FAM219A: variants seen among roughly 807,000 people sequenced by gnomAD.
FAM219A encodes family with sequence similarity 219 member A.
FAM219A carries 7 observed loss-of-function variants against 23.4 expected under a neutral mutation model. That is an observed-to-expected ratio of 0.30 (90% confidence interval 0.17 to 0.56). FAM219A has a LOEUF of 0.56. Ranked by LOEUF, FAM219A falls within the 20% of genes least tolerant of loss-of-function variation. The pLI, the probability that FAM219A is intolerant of heterozygous loss-of-function variation, is 0.92. For synonymous variants in FAM219A, 93 were observed against 99.0 expected, an observed-to-expected ratio of 0.94 and a Z score of 0.36; for missense variants, 166 against 246.9, an observed-to-expected ratio of 0.67 and a Z score of 2.20.
At chr9:34,402,959 G>C (rs529750245) in intron 2 of FAM219A, 152 bp from the exon 3 acceptor site, 1 of 649,764 alleles carries the variant, frequency 1.5e-6, no homozygotes, top group African/African-American at 1.8e-5. Context: ...CTGCTGCTTG[G>C]TGGAGATAGT....
rs1024217027 is a variant in FAM219A at position 34,457,749 on chromosome 9, G to A, written c.60+455C>T. ...GTATATCCAGCGGACAGGCGGGCAA[G>A]CCCCTCCTCTTCTAAAAGCTGATTC... On this transcript the variant is annotated intron_variant, in intron 1 of 5. Transcript: ENST00000651358. This position sits in a 1 kb window ranked among gnomAD's most constrained non-coding sequence, Gnocchi z 5.1. Among the ~76,000 whole-genome samples, 1 of 152,192 alleles carries A rather than the reference G, an allele frequency of 6.6e-6. No homozygotes were observed. Among genetic ancestry groups the A allele is most frequent in the Admixed American group, 6.5e-5 (1 of 15,282 alleles).
At chr9:34,429,911 G>A (rs1822626980) in intron 1 of FAM219A, among the ~76,000 whole-genome samples, 1 of 152,158 alleles carries the variant, frequency 6.6e-6, no homozygotes. Context: ...GGGAAGTACA[G>A]GGGTATTAGA....
chr9:34,413,179 G>C (rs1821885585), intron 1 of FAM219A, among the ~76,000 whole-genome samples: 1 of 150,264 alleles, frequency 6.7e-6, no homozygotes, highest in Non-Finnish European at 1.5e-5. Context: ...GAGGTGAGGA[G>C]AGGAAAGGAG....
chr9:34,426,879 T>G (rs1266391932), intron 1 of FAM219A, among the ~76,000 whole-genome samples: 1 of 151,980 alleles, frequency 6.6e-6, no homozygotes, highest in Non-Finnish European at 1.5e-5. Flanking sequence ...GAAGCACCTC[T>G]CCCTGAGCAT....
chr9:34,434,405 A>T (rs1822829273), intron 1 of FAM219A, among the ~76,000 whole-genome samples: 1 of 152,166 alleles, frequency 6.6e-6, no homozygotes, highest in East Asian at 1.9e-4. Context: ...TTAAAATTTC[A>T]AGGCTTTTTC....
intron 1 of FAM219A, among the ~76,000 whole-genome samples, chr9:34,455,459 A>G (rs1412733317): frequency 6.9e-6 from 1 of 144,776 alleles, no homozygotes; most frequent in Non-Finnish European, 1.5e-5. Flanking sequence ...ATGATATGCT[A>G]TCTTGATTTT....
intron 1 of FAM219A, among the ~76,000 whole-genome samples, chr9:34,429,684 C>T (rs535679000): frequency 2.6e-5 from 4 of 152,170 alleles, no homozygotes; most frequent in South Asian, 2.1e-4. Flanking sequence ...GCTCCAGACT[C>T]GCTAGTTTTA....
chr9:34,439,142 C>T (rs1823060360), intron 1 of FAM219A, among the ~76,000 whole-genome samples: 1 of 152,202 alleles, frequency 6.6e-6, no homozygotes, highest in African/African-American at 2.4e-5. Flanking sequence ...CCGAACACAT[C>T]TGAACGTCAG....
intron 1 of FAM219A, among the ~76,000 whole-genome samples, chr9:34,418,141 G>C (rs760751887): frequency 2.6e-5 from 4 of 151,608 alleles, no homozygotes; most frequent in Non-Finnish European, 5.9e-5. Flanking sequence ...TTCAGAAATA[G>C]CTACTCAGGA....
rs544059138 is a variant in FAM219A at position 34,458,186 on chromosome 9, C to A, written c.60+18G>T. On this transcript the variant is annotated intron_variant, in intron 1 of 5. Coordinates refer to ENST00000651358, the MANE Select transcript of FAM219A (RefSeq NM_001184940.2). This position sits in a 1 kb window ranked among gnomAD's most constrained non-coding sequence, Gnocchi z 6.6. Reference sequence around the variant, plus strand: ...ACGCCCCCTCCGGCCTTGGCCTGCCCGCCGCCCGCCCCCTCACCAGCGGCT... The same window carrying A: ...ACGCCCCCTCCGGCCTTGGCCTGCCAGCCGCCCGCCCCCTCACCAGCGGCT... The A allele has an allele frequency of 5.1e-6, 8 of 1,580,032 alleles. No homozygotes were observed. The highest frequency in any genetic ancestry group is 4.3e-6 in the Non-Finnish European group (5 of 1,169,128).
chr9:34,456,147 C>T (rs964533902), intron 1 of FAM219A, among the ~76,000 whole-genome samples: 1 of 152,070 alleles, frequency 6.6e-6, no homozygotes, highest in African/African-American at 2.4e-5. Flanking sequence ...GGGCCAAGAT[C>T]GTGCCACTGC....
intron 1 of FAM219A, among the ~76,000 whole-genome samples, chr9:34,420,416 G>A (rs952525286): frequency 6.6e-6 from 1 of 152,196 alleles, no homozygotes; most frequent in African/African-American, 2.4e-5. Flanking sequence ...TTTGGCAGAG[G>A]GTTTAAAGCA....
chr9:34,407,415 G>T (rs1821676833), intron 1 of FAM219A, among the ~76,000 whole-genome samples: 1 of 152,160 alleles, frequency 6.6e-6, no homozygotes, highest in African/African-American at 2.4e-5. Context: ...ATTATAACAA[G>T]TAGAGAAAAC....
chr9:34,418,001 G>A lies in FAM219A; in HGVS notation c.61-12037C>T, dbSNP rs542797223. On this transcript the variant is annotated intron_variant, in intron 1 of 5. Coordinates refer to ENST00000651358, the MANE Select transcript of FAM219A (RefSeq NM_001184940.2). ...CTGTAGGAACCGTGACGGTAATTGCGGAGCCAGAAAGCAAATCTCACAGAG... is the reference window on the plus strand; with the variant it reads ...CTGTAGGAACCGTGACGGTAATTGCAGAGCCAGAAAGCAAATCTCACAGAG... 5.9e-5 allele frequency among the ~76,000 whole-genome samples: 9 copies of A among 152,308 alleles called. No individual in the cohort carries two copies. In the South Asian group the frequency reaches 1.2e-3, roughly 21 times the overall value.
At position 34,398,248 on chromosome 9, in the gene FAM219A, C is replaced by A; in HGVS notation, c.*2716G>T. ...ACGATACACAACCAAGGATGATGGT[C>A]AATACTGCAATGAAAATGTTAAAAA... On this transcript the variant is annotated 3_prime_UTR_variant, in exon 6 of 6. Transcript: ENST00000651358. 1 of 1,546,200 alleles carries A rather than the reference C, an allele frequency of 6.5e-7. No homozygotes were observed. Among genetic ancestry groups the A allele is most frequent in the South Asian group, 1.2e-5 (1 of 83,900 alleles).
At chr9:34,407,171 A>G (rs1821667843) in intron 1 of FAM219A, among the ~76,000 whole-genome samples, 1 of 151,990 alleles carries the variant, frequency 6.6e-6, no homozygotes, top group African/African-American at 2.4e-5. Flanking sequence ...GGGCCGTGCA[A>G]GTGGCTGAAG....
intron 1 of FAM219A, among the ~76,000 whole-genome samples, chr9:34,452,417 G>A (rs1044240759): frequency 1.3e-5 from 2 of 152,132 alleles, no homozygotes; most frequent in Admixed American, 6.5e-5. Context: ...CTCCATCCAG[G>A]TGTCCATGCC....
chr9:34,433,045 CAG>C (rs1822772666), intron 1 of FAM219A, among the ~76,000 whole-genome samples: 1 of 152,108 alleles, frequency 6.6e-6, no homozygotes, highest in Non-Finnish European at 1.5e-5. Context: ...AAAGAAAGTC[CAG>C]AGAGTCTTTG....
chr9:34,401,788 C>T, intron 4 of FAM219A, 68 bp from the exon 5 acceptor site: 1 of 1,526,040 alleles, frequency 6.6e-7, no homozygotes, highest in Non-Finnish European at 9.0e-7. Context: ...TGCAATCCCA[C>T]CTCCCATTAG....
Sources: gnomAD v4.1 joint callset for allele counts (sites outside exome capture counted in the v4.1 genomes callset) on GRCh38, gnomAD v4.1.1 for gene constraint, Gnocchi (gnomAD v3.1) non-coding constraint, MANE v1.5 for transcripts, NCBI Gene and HGNC (gene_info 2026-07-23, HGNC 2026-07-21) for gene names.